Variants in ATRAID observed in about 807,000 individuals in gnomAD.
ATRAID encodes the protein all-trans retinoic acid-induced differentiation factor.
In ATRAID, 26 loss-of-function variants were observed where a neutral mutation model predicts 28.8. The observed-to-expected ratio is 0.90, with a 90% CI of 0.66 to 1.25. The LOEUF (loss-of-function observed/expected upper bound fraction) is 1.25, where lower values mean the gene tolerates loss of function less well. ATRAID is among the 50% of genes most tolerant of loss of function. ATRAID has a pLI of 0.00. For synonymous variants in ATRAID, 131 were observed against 108.5 expected (o/e 1.21, Z -1.29); for missense variants, 308 against 285.9 (o/e 1.08, Z -0.56).
At chr2:27,215,946 C>T (rs779936773) in intron 5 of ATRAID, among the ~76,000 whole-genome samples, 193 bp downstream of exon 5, 3 of 152,230 alleles carry the variant, frequency 2.0e-5, no homozygotes, top group Non-Finnish European at 4.4e-5. Context: ...GACCACCAAA[C>T]AGGCTTTGTG....
At chr2:27,212,637 G>GGCT (rs1674631525) in intron 1 of ATRAID, 170 bp downstream of exon 1, 2 of 1,406,218 alleles carry the variant, frequency 1.4e-6, no homozygotes, top group East Asian at 5.5e-5. Context: ...ACGTCGTGCA[G>GGCT]GCCTTCGGCG....
At position 27,212,058 on chromosome 2, in the gene ATRAID, C is replaced by G; in HGVS notation, c.-311C>G. On this transcript the variant is annotated 5_prime_UTR_variant, in exon 1 of 7. Coordinates refer to ENST00000380171, the MANE Select transcript of ATRAID (RefSeq NM_001170795.4). ...AGGGGCCCGAGTTTCTGCGAAGCCG[C>G]GACCTCGGCGTCCGGACGCGGGGAA... 1.8e-6 allele frequency: 2 copies of G among 1,104,802 alleles called. No homozygotes were observed. Among genetic ancestry groups the G allele is most frequent in the Non-Finnish European group, 2.5e-6 (2 of 798,958 alleles). The allele number at this position is 1,104,802 out of a possible 1,614,324, so 68.4% of individuals were successfully genotyped here.
In ATRAID at chr2:27,212,265, G is replaced by A. The variant is rs1402216682; in HGVS notation, c.-104G>A. 1.9e-6 allele frequency: 3 copies of A among 1,557,538 alleles called. No individual in the cohort carries two copies. Among genetic ancestry groups the A allele is most frequent in the Non-Finnish European group, 1.7e-6 (2 of 1,151,040 alleles). ...CCCCCAAGCAGCCCCAGGGCGACTGGACCGGGCCGCTTAGGCCACGCCCGG... is the reference window on the plus strand; with the variant it reads ...CCCCCAAGCAGCCCCAGGGCGACTGAACCGGGCCGCTTAGGCCACGCCCGG... On this transcript the variant is annotated 5_prime_UTR_variant, in exon 1 of 7. Coordinates refer to ENST00000380171, the MANE Select transcript of ATRAID (RefSeq NM_001170795.4).
chr2:27,215,477 C>T lies in ATRAID; in HGVS notation c.297C>T (p.Asp99=). 6.2e-7 allele frequency: 1 copy of T among 1,614,182 alleles called. No individual in the cohort carries two copies. Among genetic ancestry groups the T allele is most frequent in the Non-Finnish European group, 8.5e-7 (1 of 1,180,026 alleles). Reference sequence around the variant, plus strand: ...GCTAACATTGTGTACTTTGCAGAGACCTGCAAGCAAACCCCCTCAAAGGTG... The same window carrying T: ...GCTAACATTGTGTACTTTGCAGAGATCTGCAAGCAAACCCCCTCAAAGGTG... ...FHQAHTTVII[D]LQANPLKGDL... The change falls in exon 4 of 7, where the codon GAC becomes GAT. Residue 99 remains aspartate (D), a synonymous_variant. Transcript: ENST00000380171.
In ATRAID at chr2:27,215,763, C is replaced by T. The variant is rs200050175; in HGVS notation, c.487+10C>T. 4 of 1,612,286 alleles carry T rather than the reference C, an allele frequency of 2.5e-6. No homozygotes were observed. The highest frequency in any genetic ancestry group is 2.5e-6 in the Non-Finnish European group (3 of 1,179,500). On this transcript the variant is annotated intron_variant, in intron 5 of 6. Coordinates refer to ENST00000380171, the MANE Select transcript of ATRAID (RefSeq NM_001170795.4). ...AACACTGGGGACCCAGGTATGCTGT[C>T]TTACCTCCAAACTTCTGGGAATTGT...
chr2:27,213,135 G>C (rs1397397080), intron 1 of ATRAID, 42 bp from the exon 2 acceptor site: 2 of 1,594,030 alleles, frequency 1.3e-6, no homozygotes, highest in Admixed American at 3.4e-5. Flanking sequence ...TCTTTTCTTG[G>C]CTTTTCTTTC....
rs764548737 is a variant in ATRAID, at chr2:27,213,215, A to G, written c.138A>G (p.Ser46=). The change falls in exon 2 of 7, where the codon TCA becomes TCG. Residue 46 remains serine, a synonymous_variant. Transcript: ENST00000380171. The stretch of plus-strand genomic sequence containing the variant: ...GTCCAGGGAGCGTGCAAAATTTGTC[A>G]AAAGTGGCCTTTTATTGTAAAACGA... ...TQCPGSVQNL[S]KVAFYCKTTR... The G allele has an allele frequency of 7.5e-5, 121 of 1,614,128 alleles. No homozygotes were observed. Among genetic ancestry groups the G allele is most frequent in the East Asian group, 8.9e-5 (4 of 44,886 alleles).
rs1403316988 is a variant in ATRAID, at chr2:27,212,152, G to A, written c.-217G>A. The A allele has an allele frequency of 7.2e-6, 11 of 1,532,186 alleles. No individual in the cohort carries two copies. The highest frequency in any genetic ancestry group is 7.0e-5 in the African/African-American group (5 of 71,094). The allele number at this position is 1,532,186 out of a possible 1,614,324, so 94.9% of individuals were successfully genotyped here. A position where few individuals can be genotyped will look rare whatever the true frequency, so the allele number is the denominator to read the frequency against. Reference sequence around the variant, plus strand: ...GGCGACGGGGGAGGCCTTCACTAAAGGGGAAAAGGAAGAGGGGGTCGGCCA... The same window carrying A: ...GGCGACGGGGGAGGCCTTCACTAAAAGGGAAAAGGAAGAGGGGGTCGGCCA... On this transcript the variant is annotated 5_prime_UTR_variant, in exon 1 of 7. Transcript: ENST00000380171.
chr2:27,213,327 A>T, intron 2 of ATRAID, 29 bp downstream of exon 2: 1 of 1,605,844 alleles, frequency 6.2e-7, no homozygotes. Context: ...TAGATGCTGG[A>T]TACAGGCCAT....
In ATRAID at chr2:27,215,753, G is replaced by T; in HGVS notation, c.487G>T (p.Glu163Ter). ...CCTTTGCAATAACACTGGGGACCCA[G>T]GTATGCTGTCTTACCTCCAAACTTC... ...KNLCNNTGDP[E>*]MCPENGSCVP... Residue 163 changes from glutamate (E) to a stop codon, truncating the protein, a stop_gained and splice_region_variant, in exon 5 of 7, where the codon GAA becomes TAA. Transcript: ENST00000380171. LOFTEE classifies it high-confidence loss of function. 1 of 1,613,866 alleles carries T rather than the reference G, an allele frequency of 6.2e-7. No homozygotes were observed. Among genetic ancestry groups the T allele is most frequent in the Non-Finnish European group, 8.5e-7 (1 of 1,179,920 alleles).
intron 2 of ATRAID, 97 bp from the exon 3 acceptor site, chr2:27,215,224 A>G: frequency 2.5e-6 from 3 of 1,208,408 alleles, no homozygotes; most frequent in Middle Eastern, 4.4e-4. Context: ...GTGTTCAATT[A>G]TTAGCTGAAA....
rs549692086 is a variant in ATRAID at position 27,215,676 on chromosome 2, G to A, written c.410G>A (p.Trp137Ter). 6.2e-6 allele frequency: 10 copies of A among 1,614,192 alleles called. No individual in the cohort carries two copies. In the South Asian group the frequency reaches 8.8e-5, roughly 14 times the overall value. Residue 137 changes from tryptophan (W) to a stop codon, truncating the protein, a stop_gained, in exon 5 of 7, where the codon TGG becomes TAG. Coordinates refer to ENST00000380171, the MANE Select transcript of ATRAID (RefSeq NM_001170795.4). LOFTEE classifies it high-confidence loss of function. Reference protein sequence around the residue: ...HVNCPGGINAWNTITSYIDNQ... With the variant: ...HVNCPGGINA Reference sequence around the variant, plus strand: ...AACTGTCCTGGAGGAATTAATGCCTGGAATACTATCACCTCTTATATAGAC... The same window carrying A: ...AACTGTCCTGGAGGAATTAATGCCTAGAATACTATCACCTCTTATATAGAC...
rs1674683371 is a variant in ATRAID at position 27,213,310 on chromosome 2, A to ATTC, written c.221+12_221+13insTTC. ...GGCACCATCTTGGGGTGAGGGGAAG[A>ATTC]CATCCCTAGATGCTGGATACAGGCC... On this transcript the variant is annotated intron_variant, in intron 2 of 6. Transcript: ENST00000380171. 6.2e-7 allele frequency: 1 copy of ATTC among 1,611,962 alleles called. No homozygotes were observed. The highest frequency in any genetic ancestry group is 1.3e-5 in the African/African-American group (1 of 74,874).
chr2:27,215,211 G>A, intron 2 of ATRAID, 110 bp from the exon 3 acceptor site: 1 of 1,078,046 alleles, frequency 9.3e-7, no homozygotes, highest in Admixed American at 1.9e-5. Flanking sequence ...TCTGAACACA[G>A]CTGTGTTCAA....
intron 5 of ATRAID, 179 bp from the exon 6 acceptor site, chr2:27,216,344 A>G (rs1674831039): frequency 3.3e-6 from 2 of 608,614 alleles, no homozygotes; most frequent in Non-Finnish European, 5.9e-6. Context: ...CACAGGGGAT[A>G]TGATAGCTTA....
Position 27,215,469 on chromosome 2 carries a change from T to C in ATRAID, c.294-5T>C, listed in dbSNP as rs144087449. 647 of 1,614,204 alleles carry C rather than the reference T, an allele frequency of 4.0e-4. No homozygotes were observed. In the African/African-American group the frequency reaches 6.6e-3, roughly 16 times the overall value. ...GCGAAAGTGCTAACATTGTGTACTT[T>C]GCAGAGACCTGCAAGCAAACCCCCT... On this transcript the variant is annotated splice_polypyrimidine_tract_variant and splice_region_variant and intron_variant, in intron 3 of 6. Coordinates refer to ENST00000380171, the MANE Select transcript of ATRAID (RefSeq NM_001170795.4).
At position 27,216,774 on chromosome 2, in the gene ATRAID, G is replaced by C. The variant is rs563420711; in HGVS notation, c.586-70G>C. On this transcript the variant is annotated intron_variant, in intron 6 of 6. Transcript: ENST00000380171. ...ACAAAGTGATAGGTATATTAGGAAA[G>C]AACTAGGTGTTAGGATGTGGCCCTC... 4.1e-6 allele frequency: 6 copies of C among 1,475,938 alleles called. No homozygotes were observed. In the Admixed American group the frequency reaches 1.0e-4, roughly 25 times the overall value. 91.4% of individuals were successfully genotyped at this position (1,475,938 alleles called of 1,614,324 possible). A position where few individuals can be genotyped will look rare whatever the true frequency, so the allele number is the denominator to read the frequency against.
chr2:27,212,643 C>T (rs1674632135), intron 1 of ATRAID, 176 bp downstream of exon 1: 2 of 1,402,322 alleles, frequency 1.4e-6, no homozygotes, highest in East Asian at 2.8e-5. Context: ...TGCAGGCCTT[C>T]GGCGCCCCAG....
intron 2 of ATRAID, among the ~76,000 whole-genome samples, chr2:27,214,379 A>G (rs913515352): frequency 6.6e-6 from 1 of 150,932 alleles, no homozygotes; most frequent in Non-Finnish European, 1.5e-5. Flanking sequence ...AATCTGTGGT[A>G]GAAAATACAT....
Sources: gnomAD v4.1 joint callset for allele counts (sites outside exome capture counted in the v4.1 genomes callset) on GRCh38, gnomAD v4.1.1 for gene constraint, MANE v1.5 for transcripts, NCBI Gene and HGNC (gene_info 2026-07-23, HGNC 2026-07-21) for gene names.